CELF2: variants seen among roughly 807,000 people sequenced by gnomAD.
CELF2 encodes the protein CUGBP Elav-like family member 2, also known as CUG triplet repeat RNA-binding protein 2.
A neutral mutation model predicts 62.6 loss-of-function variants in CELF2; 8 were observed. That is an observed-to-expected ratio of 0.13 (90% CI 0.07 to 0.23). CELF2 has a LOEUF of 0.23. Among genes scored for constraint, CELF2 ranks in the 10% least tolerant of loss-of-function variants. The pLI is 1.00. For synonymous variants in CELF2, 258 were observed against 250.0 expected (o/e 1.03, Z -0.30); for missense variants, 333 against 671.0 (o/e 0.50, Z 5.56).
In CELF2 at chr10:10,997,144, G is replaced by A. The variant is rs1353361801; in HGVS notation, c.89+77145G>A. ...CCCATCCCTTCCACGTACTGCATGT[G>A]TCAGCTTGGGCCGTTTTTAATCTGC... On this transcript the variant is annotated intron_variant, in intron 2 of 13. Coordinates refer to the CELF2 transcript ENST00000636488. This position sits in a 1 kb window ranked among gnomAD's most constrained non-coding sequence, Gnocchi z 5.3. 6.6e-6 allele frequency among the ~76,000 whole-genome samples: 1 copy of A among 152,116 alleles called. No individual in the cohort carries two copies. The highest frequency in any genetic ancestry group is 1.5e-5 in the Non-Finnish European group (1 of 68,030).
intron 1 of CELF2, among the ~76,000 whole-genome samples, chr10:11,078,404 A>T (rs2072823479): frequency 6.6e-6 from 1 of 152,202 alleles, no homozygotes; most frequent in Admixed American, 6.5e-5. Context: ...GAGCTGAACG[A>T]GTTCTACCTA....
At position 11,211,671 on chromosome 10, in the gene CELF2, C is replaced by A. The variant is rs947485621; in HGVS notation, c.272-5754C>A. Among the ~76,000 whole-genome samples, 1 of 151,928 alleles carries A rather than the reference C, an allele frequency of 6.6e-6. No homozygotes were observed. Among genetic ancestry groups the A allele is most frequent in the African/African-American group, 2.4e-5 (1 of 41,332 alleles). ...AGGTTTGTGATAATCCAGATGGTTTCTTTGAGGATAAATCTACTTGATCAT... is the reference window on the plus strand; with the variant it reads ...AGGTTTGTGATAATCCAGATGGTTTATTTGAGGATAAATCTACTTGATCAT... On this transcript the variant is annotated intron_variant, in intron 2 of 12. Coordinates refer to ENST00000633077, the MANE Select transcript of CELF2 (RefSeq NM_001326342.2). This position sits in a 1 kb window ranked among gnomAD's most constrained non-coding sequence, Gnocchi z 4.8.
chr10:10,466,918 A>AT, the CELF2 span, among the ~76,000 whole-genome samples: 18 of 151,958 alleles, frequency 1.2e-4, no homozygotes, highest in Admixed American at 2.6e-4. Flanking sequence ...TGTAGGAGTT[A>AT]TTTTTTCTCC....
At position 10,947,346 on chromosome 10, in the gene CELF2, G is replaced by T. The variant is rs1297700071; in HGVS notation, c.89+27347G>T. Reference sequence around the variant, plus strand: ...TGATTGGGCACAGATGGGAGGCAGGGTTATTTACCATTTTACTCTCCCTCC... The same window carrying T: ...TGATTGGGCACAGATGGGAGGCAGGTTTATTTACCATTTTACTCTCCCTCC... On this transcript the variant is annotated intron_variant, in intron 2 of 13. Transcript: ENST00000636488. The surrounding 1 kb of genome is among the most constrained non-coding windows in gnomAD (Gnocchi z 4.1). 1 of 152,582 alleles carries T rather than the reference G, an allele frequency of 6.6e-6. No homozygotes were observed. The highest frequency in any genetic ancestry group is 1.5e-5 in the Non-Finnish European group (1 of 68,038). The allele number at this position is 152,582 out of a possible 1,614,324, so 9.5% of individuals were successfully genotyped here.
intron 1 of CELF2, among the ~76,000 whole-genome samples, chr10:10,870,693 C>T (rs551227610): frequency 6.1e-4 from 93 of 152,208 alleles, no homozygotes; most frequent in African/African-American, 2.1e-3. Flanking sequence ...TTCTTATTTC[C>T]ATTTTTAAAA....
chr10:11,014,625 G>GTT (rs150946214), upstream of CELF2, among the ~76,000 whole-genome samples: 1 of 147,762 alleles, frequency 6.8e-6, no homozygotes, highest in Non-Finnish European at 1.5e-5. Context: ...CATTGAGTGT[G>GTT]TTTTTTTTTT....
intron 2 of CELF2, chr10:10,944,062 G>A (rs538030123): frequency 1.6e-4 from 25 of 152,478 alleles, no homozygotes; most frequent in African/African-American, 6.0e-4. Flanking sequence ...TTCTAGTATT[G>A]GGTCTATCTA....
At chr10:10,597,239 G>A in the CELF2 span, among the ~76,000 whole-genome samples, 6 of 152,324 alleles carry the variant, frequency 3.9e-5, no homozygotes, top group African/African-American at 1.4e-4. Context: ...CAATGAGTTA[G>A]AGAATTCACT....
At chr10:11,035,000 G>A (rs1564458683) in intron 1 of CELF2, among the ~76,000 whole-genome samples, 1 of 152,064 alleles carries the variant, frequency 6.6e-6, no homozygotes, top group Non-Finnish European at 1.5e-5. Context: ...TCCATCTATT[G>A]TCCTAGCATC....
the CELF2 span, among the ~76,000 whole-genome samples, chr10:10,542,453 G>T: frequency 0.016 from 2,444 of 152,308 alleles, 73 homozygotes; most frequent in African/African-American, 0.055. Flanking sequence ...GTTTGAAACT[G>T]CAAAGAAGGC....
Position 10,951,760 on chromosome 10 carries a change from G to A in CELF2, c.89+31761G>A, listed in dbSNP as rs537694149. The A allele has an allele frequency of 3.0e-3, 453 of 152,364 alleles. 1 individual carries two copies. Among genetic ancestry groups the A allele is most frequent in the African/African-American group, 0.01 (434 of 41,574 alleles). 9.4% of individuals were successfully genotyped at this position (152,364 alleles called of 1,614,324 possible). ...TTAGAAAGACAGGAGAAGAAATAAA[G>A]AGATGCCTTGTGTTCTATCCACCTA... On this transcript the variant is annotated intron_variant, in intron 2 of 13. Transcript: ENST00000636488.
chr10:10,676,700 A>T, the CELF2 span, among the ~76,000 whole-genome samples: 1 of 151,678 alleles, frequency 6.6e-6, no homozygotes, highest in African/African-American at 2.4e-5. Flanking sequence ...GTAGGTTCTG[A>T]TTTTTTTTGT....
the CELF2 span, among the ~76,000 whole-genome samples, chr10:10,652,936 G>A: frequency 6.6e-6 from 1 of 152,118 alleles, no homozygotes; most frequent in African/African-American, 2.4e-5. Flanking sequence ...TGGATAAAGA[G>A]TCAAGACCCA....
rs1344662405 is a variant in CELF2 at position 11,178,722 on chromosome 10, G to C, written c.271+13040G>C. On this transcript the variant is annotated intron_variant, in intron 2 of 12. Coordinates refer to ENST00000633077, the MANE Select transcript of CELF2 (RefSeq NM_001326342.2). This position sits in a 1 kb window ranked among gnomAD's most constrained non-coding sequence, Gnocchi z 4.3. Reference sequence around the variant, plus strand: ...AGACTAATCAGTCTTTGGAGGGCCTGCCACATGTCTTCCAGACGGCTAGAA... The same window carrying C: ...AGACTAATCAGTCTTTGGAGGGCCTCCCACATGTCTTCCAGACGGCTAGAA... Among the ~76,000 whole-genome samples the C allele has an allele frequency of 6.6e-6, 1 of 152,208 alleles. No individual in the cohort carries two copies. Among genetic ancestry groups the C allele is most frequent in the East Asian group, 1.9e-4 (1 of 5,196 alleles).
chr10:11,071,682 G>C (rs1465312280), intron 1 of CELF2: 1 of 152,198 alleles, frequency 6.6e-6, no homozygotes, highest in Non-Finnish European at 1.5e-5. Flanking sequence ...CTGTCTTGCT[G>C]CTGGAAGTAG....
chr10:11,336,267 T>G lies in CELF2; in HGVS notation c.*7214T>G, dbSNP rs1420711486. The G allele has an allele frequency of 6.5e-6, 1 of 152,720 alleles. No homozygotes were observed. The highest frequency in any genetic ancestry group is 1.5e-5 in the Non-Finnish European group (1 of 68,058). The allele number at this position is 152,720 out of a possible 1,614,324, so 9.5% of individuals were successfully genotyped here. ...TTCACTTATCAGGAATCGACTGTTC[T>G]GCTAATTTGCTGTTGTTGTTTTTCA... is the stretch of plus-strand genomic sequence containing the variant. On this transcript the variant is annotated 3_prime_UTR_variant, in exon 13 of 13. Transcript: ENST00000633077. This position sits in a 1 kb window ranked among gnomAD's most constrained non-coding sequence, Gnocchi z 5.4.
chr10:10,638,439 G>A, the CELF2 span, among the ~76,000 whole-genome samples: 1 of 152,224 alleles, frequency 6.6e-6, no homozygotes, highest in African/African-American at 2.4e-5. Flanking sequence ...GATAATCAGA[G>A]TGTGGAACTG....
At chr10:10,543,830 T>C in the CELF2 span, among the ~76,000 whole-genome samples, 3 of 152,172 alleles carry the variant, frequency 2.0e-5, no homozygotes, top group Non-Finnish European at 4.4e-5. Context: ...GGTCCTACAG[T>C]CTTCTGTGTC....
intron 10 of CELF2, chr10:11,317,989 ATTCTT>A (rs1325441887): frequency 1.3e-5 from 2 of 152,238 alleles, no homozygotes; most frequent in Non-Finnish European, 2.9e-5. Context: ...GAAAAGCCCT[ATTCTT>A]TTAAGTGGAA....
Sources: allele counts gnomAD v4.1 joint callset (sites outside exome capture counted in the v4.1 genomes callset), GRCh38; gene constraint gnomAD v4.1.1; non-coding constraint Gnocchi (gnomAD v3.1); transcripts MANE v1.5; gene names NCBI Gene and HGNC (gene_info 2026-07-23, HGNC 2026-07-21).